Variants in TMEM131 observed in about 807,000 individuals in gnomAD.
The protein encoded by TMEM131 is transmembrane protein 131, also known as 2610524E03Rik.
Under a neutral mutation model 211.6 loss-of-function variants are expected in TMEM131, and 66 were observed. That is an observed-to-expected ratio of 0.31 (90% CI 0.26 to 0.38). TMEM131 has a LOEUF of 0.38. Among genes scored for constraint, TMEM131 ranks in the 10% least tolerant of loss-of-function variants. The probability of loss-of-function intolerance (pLI) is 1.00; values close to 1 mark genes in which losing one functional copy is unlikely to be tolerated. For synonymous variants in TMEM131, 844 were observed against 841.3 expected, an observed-to-expected ratio of 1.00 and a Z score of -0.06; for missense variants, 2,036 against 2,299.3, an observed-to-expected ratio of 0.89 and a Z score of 2.34.
Position 97,802,658 on chromosome 2 carries a change from G to A in TMEM131, c.2535C>T (p.Cys845=). The part of the protein sequence containing the change: ...HLKFPLTNTN[C]SSEEEITLEN... ...TGTCACTTTGAATACTTACTGAGGA[G>A]CAGTTTGTATTAGTAAGTGGAAATT... The change falls in exon 23 of 41, where the codon TGC becomes TGT. Residue 845 remains cysteine (C), a synonymous_variant. Coordinates refer to ENST00000186436, the MANE Select transcript of TMEM131 (RefSeq NM_015348.2). 1 of 1,612,378 alleles carries A rather than the reference G, an allele frequency of 6.2e-7. No homozygotes were observed. Among genetic ancestry groups the A allele is most frequent in the Non-Finnish European group, 8.5e-7 (1 of 1,179,102 alleles).
intron 31 of TMEM131, among the ~76,000 whole-genome samples, chr2:97,776,986 C>T (rs182333687): frequency 5.3e-5 from 8 of 152,294 alleles, no homozygotes; most frequent in African/African-American, 9.6e-5. Context: ...AATGGACATA[C>T]GGAAAGCCAA....
chr2:97,831,864 G>T (rs1209875155), intron 11 of TMEM131, among the ~76,000 whole-genome samples: 1 of 150,830 alleles, frequency 6.6e-6, no homozygotes, highest in Non-Finnish European at 1.5e-5. Flanking sequence ...ACAGGGTTTC[G>T]CCATGTTGGC....
chr2:97,844,352 A>G (rs1683328887), intron 5 of TMEM131, 91 bp from the exon 6 acceptor site: 1 of 405,652 alleles, frequency 2.5e-6, no homozygotes, highest in Non-Finnish European at 4.5e-6. Context: ...CACTTCCATA[A>G]ACTAGTTTTT....
chr2:97,897,360 A>G (rs1376386782), intron 3 of TMEM131, among the ~76,000 whole-genome samples: 1 of 152,108 alleles, frequency 6.6e-6, no homozygotes, highest in Non-Finnish European at 1.5e-5. Flanking sequence ...TCCCAATCTT[A>G]GAAAGAAAGC....
chr2:97,815,587 C>T (rs1193666695), intron 12 of TMEM131, among the ~76,000 whole-genome samples: 1 of 152,188 alleles, frequency 6.6e-6, no homozygotes, highest in Non-Finnish European at 1.5e-5. Context: ...GCTGTAGCCA[C>T]AGGCTTTGGC....
At chr2:97,860,200 C>G (rs979028187) in intron 4 of TMEM131, among the ~76,000 whole-genome samples, 5 of 152,204 alleles carry the variant, frequency 3.3e-5, no homozygotes, top group African/African-American at 1.2e-4. Flanking sequence ...TACACACCCA[C>G]TAGTTACTAG....
chr2:97,972,959 C>CT (rs1679372077), intron 1 of TMEM131, among the ~76,000 whole-genome samples: 1 of 152,094 alleles, frequency 6.6e-6, no homozygotes, highest in South Asian at 2.1e-4. Flanking sequence ...TAAAAAAAAT[C>CT]TTTTTTAATT....
At chr2:97,813,415 C>T (rs956237646) in intron 15 of TMEM131, among the ~76,000 whole-genome samples, 18 of 152,146 alleles carry the variant, frequency 1.2e-4, no homozygotes, top group Admixed American at 1.2e-3. Context: ...ATCTAAGCTT[C>T]TTTCATTGAT....
chr2:97,846,760 A>G (rs1683457319), intron 5 of TMEM131, among the ~76,000 whole-genome samples: 1 of 152,106 alleles, frequency 6.6e-6, no homozygotes, highest in Non-Finnish European at 1.5e-5. Context: ...CAGGGAAGCA[A>G]AGATTGGACA....
Position 97,874,657 on chromosome 2 carries a change from T to C in TMEM131, c.359+13395A>G, listed in dbSNP as rs189155638. ...TAAGTGAAGGAGAAATAAAATCCTT[T>C]ACAGACAAGCAAATGCTGAGATATT... On this transcript the variant is annotated intron_variant, in intron 4 of 40. Transcript: ENST00000186436. Among the ~76,000 whole-genome samples, 376 of 152,296 alleles carry C rather than the reference T, an allele frequency of 2.5e-3. 2 individuals carry two copies. Among genetic ancestry groups the C allele is most frequent in the African/African-American group, 8.8e-3 (366 of 41,548 alleles).
chr2:97,932,200 A>G (rs1467034138), intron 1 of TMEM131, among the ~76,000 whole-genome samples: 1 of 152,056 alleles, frequency 6.6e-6, no homozygotes, highest in African/African-American at 2.4e-5. Context: ...AAATACATCA[A>G]TATCTCTTTT....
intron 1 of TMEM131, among the ~76,000 whole-genome samples, chr2:97,983,201 G>A (rs934039527): frequency 4.6e-5 from 7 of 151,856 alleles, no homozygotes; most frequent in African/African-American, 1.5e-4. Flanking sequence ...TCATTTCTAC[G>A]TTTGTGCCTT....
intron 1 of TMEM131, among the ~76,000 whole-genome samples, chr2:97,932,103 A>G (rs1027776735): frequency 2.6e-5 from 4 of 151,708 alleles, no homozygotes; most frequent in Non-Finnish European, 4.4e-5. Context: ...GATAGTGCCA[A>G]TGCACTCCAG....
intron 5 of TMEM131, among the ~76,000 whole-genome samples, chr2:97,858,455 G>A (rs571065015): frequency 1.3e-5 from 2 of 152,164 alleles, no homozygotes; most frequent in Non-Finnish European, 2.9e-5. Context: ...GAGGATATTT[G>A]TGGTAAGGAG....
intron 33 of TMEM131, among the ~76,000 whole-genome samples, chr2:97,769,625 C>T (rs564939704): frequency 1.5e-4 from 23 of 152,314 alleles, no homozygotes; most frequent in African/African-American, 5.5e-4. Flanking sequence ...GATTAATCTA[C>T]TTCTTTTGCT....
chr2:97,995,315 C>T (rs954942360), intron 1 of TMEM131, among the ~76,000 whole-genome samples, 161 bp downstream of exon 1: 1 of 152,192 alleles, frequency 6.6e-6, no homozygotes, highest in Non-Finnish European at 1.5e-5. Flanking sequence ...AAGGCCACTC[C>T]GTGCGGCGGG....
chr2:97,834,111 A>G (rs1336861725), intron 10 of TMEM131, among the ~76,000 whole-genome samples: 1 of 152,208 alleles, frequency 6.6e-6, no homozygotes, highest in Non-Finnish European at 1.5e-5. Flanking sequence ...TCTTAACTAC[A>G]TATTATTATA....
chr2:97,989,928 C>A (rs1322855823), intron 1 of TMEM131, among the ~76,000 whole-genome samples: 1 of 151,260 alleles, frequency 6.6e-6, no homozygotes, highest in Non-Finnish European at 1.5e-5. Flanking sequence ...CTTTGAACTT[C>A]TTCTGGAGCC....
At chr2:97,877,322 CA>C (rs1674739148) in intron 4 of TMEM131, among the ~76,000 whole-genome samples, 1 of 152,196 alleles carries the variant, frequency 6.6e-6, no homozygotes, top group Admixed American at 6.5e-5. Flanking sequence ...AACAAGCTAC[CA>C]CTAACTTTCT....
Sources: allele counts gnomAD v4.1 joint callset (sites outside exome capture counted in the v4.1 genomes callset), GRCh38; gene constraint gnomAD v4.1.1; transcripts MANE v1.5; gene names NCBI Gene and HGNC (gene_info 2026-07-23, HGNC 2026-07-21).